Variants in ELF3 observed in about 807,000 individuals in gnomAD.
ELF3 encodes the protein ETS-related transcription factor Elf-3.
ELF3 carries 18 observed loss-of-function variants against 43.9 expected under a neutral mutation model. The observed-to-expected ratio is 0.41, with a 90% CI of 0.28 to 0.61. The LOEUF (loss-of-function observed/expected upper bound fraction) is 0.61. ELF3 is among the 20% of genes least tolerant of loss of function. The probability of loss-of-function intolerance (pLI) is 0.30; values close to 1 mark genes in which losing one functional copy is unlikely to be tolerated. For synonymous variants in ELF3, 181 were observed against 190.2 expected (o/e 0.95, Z 0.40); for missense variants, 373 against 487.7 (o/e 0.76, Z 2.21).
chr1:202,011,163 C>T lies in ELF3; in HGVS notation c.27C>T (p.Asn9=). MAATCEIS[N]IFSNYFSAMY... ...TGGCTGCAACCTGTGAGATTAGCAA[C>T]ATTTTTAGCAACTACTTCAGTGCGA... is the stretch of plus-strand genomic sequence containing the variant. The change falls in exon 2 of 9, where the codon AAC becomes AAT. Residue 9 remains asparagine (N), a synonymous_variant. Transcript: ENST00000367284. The T allele has an allele frequency of 1.9e-6, 3 of 1,614,162 alleles. No homozygotes were observed. The highest frequency in any genetic ancestry group is 2.2e-5 in the East Asian group (1 of 44,880).
Position 202,015,396 on chromosome 1 carries a change from G to A in ELF3, c.*73G>A. 1 of 1,419,008 alleles carries A rather than the reference G, an allele frequency of 7.0e-7. No homozygotes were observed. Among genetic ancestry groups the A allele is most frequent in the East Asian group, 2.3e-5 (1 of 42,814 alleles). The allele number at this position is 1,419,008 out of a possible 1,614,324, so 87.9% of individuals were successfully genotyped here. The stretch of plus-strand genomic sequence containing the variant: ...GCAAACCTTCCTGGGAGGACAGGCA[G>A]GCCAGATGGCCCCTCCACTGGGGAA... On this transcript the variant is annotated 3_prime_UTR_variant, in exon 9 of 9. Transcript: ENST00000367284.
chr1:202,013,197 G>T lies in ELF3; in HGVS notation c.704G>T (p.Cys235Phe). 4 of 1,614,086 alleles carry T rather than the reference G, an allele frequency of 2.5e-6. No homozygotes were observed. The highest frequency in any genetic ancestry group is 1.6e-4 in the Middle Eastern group (1 of 6,062). Residue 235 changes from cysteine (C) to phenylalanine (F), a missense_variant, in exon 7 of 9, where the codon TGC becomes TTC. Cys to Phe is a radical substitution (Grantham distance 205). Around this residue, in one of 3 missense-constraint regions of ELF3, gnomAD observed 311 missense variants for 351.2 expected, o/e 0.89. Transcript: ENST00000367284. The surrounding 1 kb of genome is among the most constrained non-coding windows in gnomAD (Gnocchi z 5.7). ...GTCCCCACAGATGGTTTTCGTGACT[G>T]CAAGAAGGGGGATCCCAAGCACGGG... is the stretch of plus-strand genomic sequence containing the variant. Reference protein sequence around the residue: ...KLFPSDGFRDCKKGDPKHGKR... With the variant: ...KLFPSDGFRDFKKGDPKHGKR...
Position 202,016,662 on chromosome 1 carries a change from C to T in ELF3, c.*1339C>T, listed in dbSNP as rs1418336963. On this transcript the variant is annotated 3_prime_UTR_variant, in exon 9 of 9. Coordinates refer to ENST00000367284, the MANE Select transcript of ELF3 (RefSeq NM_004433.5). ...TTTACTTTAGATTTAGGAGGTCGTGCGCAGGTTTGTTACATGGGTATATTG... is the reference window on the plus strand; with the variant it reads ...TTTACTTTAGATTTAGGAGGTCGTGTGCAGGTTTGTTACATGGGTATATTG... 6.6e-6 allele frequency: 1 copy of T among 151,114 alleles called. No homozygotes were observed. 9.4% of individuals were successfully genotyped at this position (151,114 alleles called of 1,614,324 possible).
Position 202,013,980 on chromosome 1 carries a change from A to C in ELF3, c.957A>C (p.Lys319Asn). 6.2e-7 allele frequency: 1 copy of C among 1,613,824 alleles called. No individual in the cohort carries two copies. The highest frequency in any genetic ancestry group is 8.5e-7 in the Non-Finnish European group (1 of 1,179,862). Reference sequence around the variant, plus strand: ...TGGCCCAACTATGGGGCCAAAAGAAAAAGAACAGCAACATGACCTACGAGA... The same window carrying C: ...TGGCCCAACTATGGGGCCAAAAGAACAAGAACAGCAACATGACCTACGAGA... Reference protein sequence around the residue: ...EAVAQLWGQKKKNSNMTYEKL... With the variant: ...EAVAQLWGQKNKNSNMTYEKL... Residue 319 changes from lysine (K) to asparagine (N), a missense_variant, in exon 8 of 9, where the codon AAA becomes AAC. By Grantham distance (94) the Lys-to-Asn change is moderately conservative (BLOSUM62 0). Transcript: ENST00000367284. This position sits in a 1 kb window ranked among gnomAD's most constrained non-coding sequence, Gnocchi z 5.7.
At position 202,016,948 on chromosome 1, in the gene ELF3, C is replaced by T. The variant is rs1312490607; in HGVS notation, c.*1625C>T. ...CTTCTAACCTAATCCTCAATCGATT[C>T]CAGAACTATTACTCTGTTTCCACAG... is the stretch of plus-strand genomic sequence containing the variant. On this transcript the variant is annotated 3_prime_UTR_variant, in exon 9 of 9. Transcript: ENST00000367284. 1 of 152,132 alleles carries T rather than the reference C, an allele frequency of 6.6e-6. No homozygotes were observed. Among genetic ancestry groups the T allele is most frequent in the Non-Finnish European group, 1.5e-5 (1 of 68,038 alleles). 9.4% of individuals were successfully genotyped at this position (152,132 alleles called of 1,614,324 possible). A position where few individuals can be genotyped will look rare whatever the true frequency, so the allele number is the denominator to read the frequency against.
At position 202,012,131 on chromosome 1, in the gene ELF3, T is replaced by G; in HGVS notation, c.338T>G (p.Val113Gly). The G allele has an allele frequency of 6.2e-7, 1 of 1,613,838 alleles. No homozygotes were observed. The highest frequency in any genetic ancestry group is 8.5e-7 in the Non-Finnish European group (1 of 1,180,018). The change falls in exon 3 of 9, where the codon GTC (valine) becomes GGC (glycine). Residue 113 changes from valine to glycine, a missense_variant. Around this residue, in one of 3 missense-constraint regions of ELF3, gnomAD observed 311 missense variants for 351.2 expected, o/e 0.89. Coordinates refer to ENST00000367284, the MANE Select transcript of ELF3 (RefSeq NM_004433.5). This position sits in a 1 kb window ranked among gnomAD's most constrained non-coding sequence, Gnocchi z 4.2. ...TGTGCCCTTGAGGAGCTGCGTCTGG[T>G]CTTTGGGCCTCTGGGGGACCAACTC... ...CNCALEELRL[V>G]FGPLGDQLHA... is the part of the protein sequence containing the mutation.
chr1:202,013,743 A>G lies in ELF3; in HGVS notation c.806-86A>G. ...GCTTGCTGCATGCTGTGGCCAAGTC[A>G]GCAGTGCACTGGGGCGGGCAGGGCT... On this transcript the variant is annotated intron_variant, in intron 7 of 8. Coordinates refer to ENST00000367284, the MANE Select transcript of ELF3 (RefSeq NM_004433.5). This position sits in a 1 kb window ranked among gnomAD's most constrained non-coding sequence, Gnocchi z 5.7. 5 of 1,439,674 alleles carry G rather than the reference A, an allele frequency of 3.5e-6. No individual in the cohort carries two copies. Among genetic ancestry groups the G allele is most frequent in the Non-Finnish European group, 4.7e-6 (5 of 1,067,742 alleles). The allele number at this position is 1,439,674 out of a possible 1,614,324, so 89.2% of individuals were successfully genotyped here.
At chr1:202,014,909 C>A in intron 8 of ELF3, 1 of 312,370 alleles carries the variant, frequency 3.2e-6, no homozygotes, top group Non-Finnish European at 6.2e-6. Flanking sequence ...TGCCCAGCTC[C>A]CTGGCCTTAA....
At chr1:202,011,911 G>A in intron 2 of ELF3, 46 bp from the exon 3 acceptor site, 2 of 1,584,964 alleles carry the variant, frequency 1.3e-6, no homozygotes, top group Non-Finnish European at 1.7e-6. Context: ...TGTAAGGTCT[G>A]CTGGGTGGCC....
In ELF3 at chr1:202,013,148, G is replaced by T; in HGVS notation, c.689-34G>T. 1.2e-6 allele frequency: 2 copies of T among 1,611,214 alleles called. No individual in the cohort carries two copies. The highest frequency in any genetic ancestry group is 1.7e-6 in the Non-Finnish European group (2 of 1,178,330). On this transcript the variant is annotated intron_variant, in intron 6 of 8. Coordinates refer to ENST00000367284, the MANE Select transcript of ELF3 (RefSeq NM_004433.5). The surrounding 1 kb of genome is among the most constrained non-coding windows in gnomAD (Gnocchi z 5.7). ...GGCTACTCTCCCTAACTCCCCTCTTGCCCCTCCTTGACCTTCCACCACCGT... is the reference window on the plus strand; with the variant it reads ...GGCTACTCTCCCTAACTCCCCTCTTTCCCCTCCTTGACCTTCCACCACCGT...
At chr1:202,011,620 C>G in intron 2 of ELF3, 1 of 459,790 alleles carries the variant, frequency 2.2e-6, no homozygotes, top group African/African-American at 2.0e-5. Context: ...GCCTGTAATC[C>G]CAGCACTTTG....
At position 202,013,092 on chromosome 1, in the gene ELF3, C is replaced by T. The variant is rs374452012; in HGVS notation, c.688+56C>T. 1.6e-5 allele frequency: 25 copies of T among 1,600,438 alleles called. No individual in the cohort carries two copies. Among genetic ancestry groups the T allele is most frequent in the African/African-American group, 8.0e-5 (6 of 74,840 alleles). Reference sequence around the variant, plus strand: ...CCCATTTAGCAATGCACAGGGGGCCCGGCTCTTCCTGCAGCCTTTTCCTGT... The same window carrying T: ...CCCATTTAGCAATGCACAGGGGGCCTGGCTCTTCCTGCAGCCTTTTCCTGT... On this transcript the variant is annotated intron_variant, in intron 6 of 8. Coordinates refer to ENST00000367284, the MANE Select transcript of ELF3 (RefSeq NM_004433.5). This position sits in a 1 kb window ranked among gnomAD's most constrained non-coding sequence, Gnocchi z 5.7.
At position 202,015,367 on chromosome 1, in the gene ELF3, G is replaced by T. The variant is rs1170020022; in HGVS notation, c.*44G>T. On this transcript the variant is annotated 3_prime_UTR_variant, in exon 9 of 9. Transcript: ENST00000367284. ...GGACCAAACTCACGGACCACTCGAG[G>T]CCTGCAAACCTTCCTGGGAGGACAG... is the stretch of plus-strand genomic sequence containing the variant. 1 of 1,599,488 alleles carries T rather than the reference G, an allele frequency of 6.3e-7. No individual in the cohort carries two copies. The highest frequency in any genetic ancestry group is 2.2e-5 in the East Asian group (1 of 44,664).
chr1:202,012,021 C>A lies in ELF3; in HGVS notation c.228C>A (p.Ile76=). The part of the protein sequence containing the change: ...FWSKTQVLDW[I]SYQVEKNKYD... ...CGAAGACGCAGGTTCTGGACTGGATCAGCTACCAAGTGGAGAAGAACAAGT... is the reference window on the plus strand; with the variant it reads ...CGAAGACGCAGGTTCTGGACTGGATAAGCTACCAAGTGGAGAAGAACAAGT... The change falls in exon 3 of 9, where the codon ATC becomes ATA. Residue 76 remains isoleucine, a synonymous_variant. Transcript: ENST00000367284. This position sits in a 1 kb window ranked among gnomAD's most constrained non-coding sequence, Gnocchi z 4.2. The A allele has an allele frequency of 6.2e-7, 1 of 1,614,192 alleles. No individual in the cohort carries two copies. The highest frequency in any genetic ancestry group is 8.5e-7 in the Non-Finnish European group (1 of 1,180,042).
chr1:202,015,337 A>C lies in ELF3; in HGVS notation c.*14A>C. On this transcript the variant is annotated 3_prime_UTR_variant, in exon 9 of 9. Transcript: ENST00000367284. ...AGTCGGAACTGAGGGTTGGAACTAT[A>C]CCCGGGACCAAACTCACGGACCACT... 1 of 1,613,340 alleles carries C rather than the reference A, an allele frequency of 6.2e-7. No homozygotes were observed. Among genetic ancestry groups the C allele is most frequent in the Non-Finnish European group, 8.5e-7 (1 of 1,179,682 alleles).
Position 202,012,688 on chromosome 1 carries a change from C to T in ELF3, c.527C>T (p.Ala176Val). The change falls in exon 5 of 9, where the codon GCC (alanine) becomes GTC (valine). Residue 176 changes from alanine to valine, a missense_variant. Coordinates refer to ENST00000367284, the MANE Select transcript of ELF3 (RefSeq NM_004433.5). The surrounding 1 kb of genome is among the most constrained non-coding windows in gnomAD (Gnocchi z 4.2). ...GAGCTGCTGGACGACGGTCAGCAAG[C>T]CAGCCCCTACCACCCCGGCAGCTGT... The part of the protein sequence containing the change: ...AQELLDDGQQ[A>V]SPYHPGSCGA... 2 of 1,608,862 alleles carry T rather than the reference C, an allele frequency of 1.2e-6. No homozygotes were observed. The highest frequency in any genetic ancestry group is 1.1e-5 in the South Asian group (1 of 90,586).
chr1:202,011,675 C>T (rs1298346232), intron 2 of ELF3: 1 of 481,150 alleles, frequency 2.1e-6, no homozygotes, highest in Non-Finnish European at 3.7e-6. Flanking sequence ...AGTTCGAGAC[C>T]AGCCTAGCCA....
Position 202,015,464 on chromosome 1 carries a change from A to T in ELF3, c.*141A>T. On this transcript the variant is annotated 3_prime_UTR_variant, in exon 9 of 9. Transcript: ENST00000367284. ...TGGAGAGAAGCTGATGTTTTGGTGT[A>T]TTGTCAGCCATCGTCCTGGGACTCG... 1 of 785,442 alleles carries T rather than the reference A, an allele frequency of 1.3e-6. No homozygotes were observed. The highest frequency in any genetic ancestry group is 2.7e-5 in the East Asian group (1 of 36,898). The allele number at this position is 785,442 out of a possible 1,614,324, so 48.7% of individuals were successfully genotyped here.
chr1:202,016,213 GT>G lies in ELF3; in HGVS notation c.*892del, dbSNP rs1684307210. Reference sequence around the variant, plus strand: ...GCGAGCAAAGGAAGCAGCTGAGACTGTTGGAGAACGCTTACAAGACTTCATG... The same window carrying G: ...GCGAGCAAAGGAAGCAGCTGAGACTGTGGAGAACGCTTACAAGACTTCATG... On this transcript the variant is annotated 3_prime_UTR_variant, in exon 9 of 9. Coordinates refer to ENST00000367284, the MANE Select transcript of ELF3 (RefSeq NM_004433.5). 3 of 152,786 alleles carry G rather than the reference GT, an allele frequency of 2.0e-5. No individual in the cohort carries two copies. The Admixed American group carries it at 2.0e-4, about 10-fold the overall frequency. 9.5% of individuals were successfully genotyped at this position (152,786 alleles called of 1,614,324 possible). A position where few individuals can be genotyped will look rare whatever the true frequency, so the allele number is the denominator to read the frequency against.
Sources: allele counts gnomAD v4.1 joint callset, GRCh38; gene constraint gnomAD v4.1.1; regional missense constraint gnomAD v4.1.1; non-coding constraint Gnocchi (gnomAD v3.1); transcripts MANE v1.5; gene names NCBI Gene and HGNC (gene_info 2026-07-23, HGNC 2026-07-21).